Variants in PHF13 observed in about 807,000 individuals in gnomAD.
PHF13 encodes PHD zinc finger protein PHF5.
Under a neutral mutation model 25.8 loss-of-function variants are expected in PHF13, and 1 was observed. The ratio of observed to expected loss-of-function variants is 0.04; its 90% confidence interval spans 0.01 to 0.18. The LOEUF (loss-of-function observed/expected upper bound fraction) is 0.18, where lower values mean the gene tolerates loss of function less well. Among genes scored for constraint, PHF13 ranks in the 10% least tolerant of loss-of-function variants. The pLI is 1.00. For synonymous variants in PHF13, 195 were observed against 162.4 expected (o/e 1.20, Z -1.53); for missense variants, 306 against 403.2 (o/e 0.76, Z 2.06).
intron 2 of PHF13, among the ~76,000 whole-genome samples, chr1:6,619,187 A>G (rs1382690267): frequency 6.6e-6 from 1 of 152,204 alleles, no homozygotes; most frequent in Non-Finnish European, 1.5e-5. Flanking sequence ...AGGTTTTACA[A>G]TCAGGGAACA....
Position 6,618,233 on chromosome 1 carries a change from G to A in PHF13, c.141+1375G>A, listed in dbSNP as rs1641289219. On this transcript the variant is annotated intron_variant, in intron 2 of 3. Coordinates refer to ENST00000377648, the MANE Select transcript of PHF13 (RefSeq NM_153812.3). ...CACTGCAGCCTCTTTCTCCTGTGCTGAAGTGATCCTCCCACCTCAGCCTTC... is the reference window on the plus strand; with the variant it reads ...CACTGCAGCCTCTTTCTCCTGTGCTAAAGTGATCCTCCCACCTCAGCCTTC... Among the ~76,000 whole-genome samples the A allele has an allele frequency of 1.3e-5, 2 of 151,904 alleles. 1 individual carries two copies. The highest frequency in any genetic ancestry group is 4.1e-4 in the South Asian group (2 of 4,834).
At chr1:6,615,475 G>A (rs973898392) in intron 1 of PHF13, among the ~76,000 whole-genome samples, 9 of 152,076 alleles carry the variant, frequency 5.9e-5, no homozygotes, top group African/African-American at 1.7e-4. Context: ...TAAGGGCACC[G>A]ACTTTCTCGA....
Position 6,619,789 on chromosome 1 carries a change from C to CT in PHF13, c.142-11dup. 1.3e-6 allele frequency: 2 copies of CT among 1,575,322 alleles called. No homozygotes were observed. Among genetic ancestry groups the CT allele is most frequent in the Non-Finnish European group, 1.7e-6 (2 of 1,159,308 alleles). ...GTCACCAGTAACTGGAATCTGCCAC[C>CT]TTTGTCTTTTTAGGAACTCCCTTTA... On this transcript the variant is annotated splice_polypyrimidine_tract_variant and intron_variant, in intron 2 of 3. Transcript: ENST00000377648.
chr1:6,619,163 G>C (rs1641303562), intron 2 of PHF13, among the ~76,000 whole-genome samples: 1 of 152,164 alleles, frequency 6.6e-6, no homozygotes, highest in African/African-American at 2.4e-5. Context: ...TCTTGGGAGG[G>C]CAAATGGAAG....
Position 6,613,948 on chromosome 1 carries a change from G to T in PHF13, c.-119G>T, listed in dbSNP as rs1055258463. The T allele has an allele frequency of 9.9e-6, 6 of 607,984 alleles. No homozygotes were observed. The African/African-American group carries it at 1.0e-4, about 10-fold the overall frequency. 37.7% of individuals were successfully genotyped at this position (607,984 alleles called of 1,614,324 possible). ...GCCCCCCATCACCTCCAGCCCGGGC[G>T]ACCCCTCCCGGGTCCGCCCTCGCCC... is the stretch of plus-strand genomic sequence containing the variant. On this transcript the variant is annotated 5_prime_UTR_variant, in exon 1 of 4. Transcript: ENST00000377648.
chr1:6,621,407 C>G lies in PHF13; in HGVS notation c.677-4C>G, dbSNP rs987025399. 2 of 1,613,802 alleles carry G rather than the reference C, an allele frequency of 1.2e-6. No homozygotes were observed. Among genetic ancestry groups the G allele is most frequent in the Non-Finnish European group, 1.7e-6 (2 of 1,179,876 alleles). ...TCCCTCCTTGAGAGTATCTTTCCTT[C>G]CAGATGACGATTCCTGGGACCTCGT... On this transcript the variant is annotated splice_polypyrimidine_tract_variant and splice_region_variant and intron_variant, in intron 3 of 3. Transcript: ENST00000377648. The surrounding 1 kb of genome is among the most constrained non-coding windows in gnomAD (Gnocchi z 4.8).
chr1:6,615,274 G>A (rs1020196639), intron 1 of PHF13, among the ~76,000 whole-genome samples: 1 of 152,114 alleles, frequency 6.6e-6, no homozygotes. Context: ...CTGGTTCCCC[G>A]CCGAAAGAAA....
At position 6,614,092 on chromosome 1, in the gene PHF13, C is replaced by T; in HGVS notation, c.26C>T (p.Ala9Val). Residue 9 changes from alanine (A) to valine (V), a missense_variant, in exon 1 of 4, where the codon GCC becomes GTC. Ala to Val is a moderately conservative substitution (Grantham distance 64). Around this residue, in one of 5 missense-constraint regions of PHF13, gnomAD observed 31 missense variants for 23.9 expected, o/e 1.30. Coordinates refer to ENST00000377648, the MANE Select transcript of PHF13 (RefSeq NM_153812.3). MDSDSCAAAFHPEEYSPSC... is the reference protein window; with the variant it reads MDSDSCAAVFHPEEYSPSC... ...ATGGACTCTGACTCTTGCGCCGCCG[C>T]CTTCCACCCGGAGGTGAGTGAAGCT... 1 of 1,600,454 alleles carries T rather than the reference C, an allele frequency of 6.2e-7. No homozygotes were observed. Among genetic ancestry groups the T allele is most frequent in the Non-Finnish European group, 8.5e-7 (1 of 1,174,910 alleles).
intron 1 of PHF13, among the ~76,000 whole-genome samples, chr1:6,615,725 C>G (rs1054608446): frequency 1.3e-5 from 2 of 152,202 alleles, no homozygotes; most frequent in Admixed American, 6.5e-5. Flanking sequence ...TCCATCTCTC[C>G]GTGCTTCTCT....
At position 6,623,404 on chromosome 1, in the gene PHF13, A is replaced by T. The variant is rs566980698; in HGVS notation, c.*1767A>T. 6.6e-6 allele frequency: 1 copy of T among 152,342 alleles called. No homozygotes were observed. The highest frequency in any genetic ancestry group is 6.6e-5 in the Admixed American group (1 of 15,256). The allele number at this position is 152,342 out of a possible 1,614,324, so 9.4% of individuals were successfully genotyped here. A position where few individuals can be genotyped will look rare whatever the true frequency, so the allele number is the denominator to read the frequency against. On this transcript the variant is annotated 3_prime_UTR_variant, in exon 4 of 4. Transcript: ENST00000377648. ...AAACTGACGAGGGCAAACAGCCAGGACGCATTGGAGAGGAATTTGCCAAAG... is the reference window on the plus strand; with the variant it reads ...AAACTGACGAGGGCAAACAGCCAGGTCGCATTGGAGAGGAATTTGCCAAAG...
rs947934587 is a variant in PHF13 at position 6,623,868 on chromosome 1, G to A, written c.*2231G>A. The A allele has an allele frequency of 1.3e-5, 2 of 152,626 alleles. No individual in the cohort carries two copies. Among genetic ancestry groups the A allele is most frequent in the African/African-American group, 4.8e-5 (2 of 41,430 alleles). 9.5% of individuals were successfully genotyped at this position (152,626 alleles called of 1,614,324 possible). A position where few individuals can be genotyped will look rare whatever the true frequency, so the allele number is the denominator to read the frequency against. On this transcript the variant is annotated 3_prime_UTR_variant, in exon 4 of 4. Transcript: ENST00000377648. Reference sequence around the variant, plus strand: ...AAAAGTAGGCCCTCCCATTGGCTTTGGCCAGGCCAGACACTTCACATCGTT... The same window carrying A: ...AAAAGTAGGCCCTCCCATTGGCTTTAGCCAGGCCAGACACTTCACATCGTT...
intron 1 of PHF13, among the ~76,000 whole-genome samples, chr1:6,615,925 G>A (rs1557444744): frequency 1.3e-5 from 2 of 151,992 alleles, no homozygotes; most frequent in Non-Finnish European, 2.9e-5. Flanking sequence ...GACCCTCTGA[G>A]CACGAGAGAG....
rs2148709545 is a variant in PHF13 at position 6,616,828 on chromosome 1, C to T, written c.111C>T (p.Ala37=). ...DFNKFCTFVL[A]YAGYIPYPKE... ...ACAAATTCTGCACCTTTGTCTTGGC[C>T]TATGCTGGCTACATCCCTTATCCGA... The change falls in exon 2 of 4, where the codon GCC becomes GCT. Residue 37 remains alanine (A), a synonymous_variant. Transcript: ENST00000377648. The T allele has an allele frequency of 6.2e-7, 1 of 1,614,156 alleles. No homozygotes were observed. The highest frequency in any genetic ancestry group is 8.5e-7 in the Non-Finnish European group (1 of 1,179,978).
intron 1 of PHF13, chr1:6,614,746 C>T (rs1419425392): frequency 6.6e-6 from 1 of 150,534 alleles, no homozygotes; most frequent in Non-Finnish European, 1.5e-5. Flanking sequence ...CTCTTCGGGC[C>T]CCCGCCCCCC....
rs1641365171 is a variant in PHF13 at position 6,623,053 on chromosome 1, G to A, written c.*1416G>A. On this transcript the variant is annotated 3_prime_UTR_variant, in exon 4 of 4. Transcript: ENST00000377648. Reference sequence around the variant, plus strand: ...GGCATGGAAAGGGAAGAATGCTCAAGCAAGTCATGTTTGTTTTCAGTGGGA... The same window carrying A: ...GGCATGGAAAGGGAAGAATGCTCAAACAAGTCATGTTTGTTTTCAGTGGGA... 1 of 152,254 alleles carries A rather than the reference G, an allele frequency of 6.6e-6. No individual in the cohort carries two copies. Among genetic ancestry groups the A allele is most frequent in the South Asian group, 2.1e-4 (1 of 4,836 alleles). The allele number at this position is 152,254 out of a possible 1,614,324, so 9.4% of individuals were successfully genotyped here.
chr1:6,617,376 G>C (rs1570225644), intron 2 of PHF13, among the ~76,000 whole-genome samples: 1 of 151,390 alleles, frequency 6.6e-6, no homozygotes, highest in South Asian at 2.1e-4. Flanking sequence ...GTGAGCTACC[G>C]CCCAGCCGAT....
At position 6,614,044 on chromosome 1, in the gene PHF13, C is replaced by T; in HGVS notation, c.-23C>T. On this transcript the variant is annotated 5_prime_UTR_variant, in exon 1 of 4. Coordinates refer to ENST00000377648, the MANE Select transcript of PHF13 (RefSeq NM_153812.3). Reference sequence around the variant, plus strand: ...ATCCCAGCTCCTGCACTCTCGCAGCCGCCGCCGCCCCCCGCCCGGAACATG... The same window carrying T: ...ATCCCAGCTCCTGCACTCTCGCAGCTGCCGCCGCCCCCCGCCCGGAACATG... The T allele has an allele frequency of 1.3e-6, 2 of 1,577,202 alleles. No individual in the cohort carries two copies. Among genetic ancestry groups the T allele is most frequent in the Non-Finnish European group, 8.6e-7 (1 of 1,160,658 alleles).
At position 6,621,932 on chromosome 1, in the gene PHF13, T is replaced by C; in HGVS notation, c.*295T>C. 1 of 470,122 alleles carries C rather than the reference T, an allele frequency of 2.1e-6. No homozygotes were observed. The highest frequency in any genetic ancestry group is 3.9e-6 in the Non-Finnish European group (1 of 254,734). The allele number at this position is 470,122 out of a possible 1,614,324, so 29.1% of individuals were successfully genotyped here. ...TGAAAATGAGGGTCCGTGGTAGCTG[T>C]GCGTTTTGCTATCATTGCTAAGAGA... is the stretch of plus-strand genomic sequence containing the variant. On this transcript the variant is annotated 3_prime_UTR_variant, in exon 4 of 4. Transcript: ENST00000377648. The surrounding 1 kb of genome is among the most constrained non-coding windows in gnomAD (Gnocchi z 4.8).
At position 6,621,227 on chromosome 1, in the gene PHF13, C is replaced by T. The variant is rs1157477392; in HGVS notation, c.677-184C>T. Among the ~76,000 whole-genome samples, 1 of 151,876 alleles carries T rather than the reference C, an allele frequency of 6.6e-6. No individual in the cohort carries two copies. The highest frequency in any genetic ancestry group is 2.4e-5 in the African/African-American group (1 of 41,342). On this transcript the variant is annotated intron_variant, in intron 3 of 3. Transcript: ENST00000377648. This position sits in a 1 kb window ranked among gnomAD's most constrained non-coding sequence, Gnocchi z 4.8. ...AAAAAAAAAAAAAAGTAAGCATCTC[C>T]TGGGTAATACCTGGTTCCCACACAT...
Sources: gnomAD v4.1 joint callset for allele counts (sites outside exome capture counted in the v4.1 genomes callset) on GRCh38, gnomAD v4.1.1 for gene constraint, gnomAD v4.1.1 regional missense constraint, Gnocchi (gnomAD v3.1) non-coding constraint, MANE v1.5 for transcripts, NCBI Gene and HGNC (gene_info 2026-07-23, HGNC 2026-07-21) for gene names.